MARK4: variants seen among roughly 807,000 people sequenced by gnomAD.
MARK4 encodes MAP/microtubule affinity-regulating kinase 4.
MARK4 carries 19 observed loss-of-function variants against 81.5 expected under a neutral mutation model. The ratio of observed to expected loss-of-function variants is 0.23; its 90% confidence interval spans 0.16 to 0.34. The LOEUF is 0.34. MARK4 is among the 10% of genes least tolerant of loss of function. MARK4 has a pLI of 1.00. For missense variants in MARK4, 772 were observed against 1,058.8 expected, an observed-to-expected ratio of 0.73 and a Z score of 3.76; for synonymous variants, 436 against 439.0, an observed-to-expected ratio of 0.99 and a Z score of 0.08.
rs148123351 is a variant in MARK4, at chr19:45,292,468, G to A, written c.1495-1881G>A. Among the ~76,000 whole-genome samples the A allele has an allele frequency of 6.6e-5, 10 of 152,252 alleles. No individual in the cohort carries two copies. In the East Asian group the frequency reaches 7.7e-4, roughly 12 times the overall value. Reference sequence around the variant, plus strand: ...GTGAGGATCTTGTAAGATCTCATACGTGAAGTACTTCACATACTGGCACAG... The same window carrying A: ...GTGAGGATCTTGTAAGATCTCATACATGAAGTACTTCACATACTGGCACAG... On this transcript the variant is annotated intron_variant, in intron 13 of 16. Transcript: ENST00000262891.
At chr19:45,295,761 A>G (rs954298703) in intron 14 of MARK4, among the ~76,000 whole-genome samples, 3 of 151,974 alleles carry the variant, frequency 2.0e-5, no homozygotes, top group Non-Finnish European at 4.4e-5. Flanking sequence ...CCTGAGCCAC[A>G]CAGCAAGAAT....
chr19:45,280,438 C>A lies in MARK4; in HGVS notation c.1071C>A (p.Tyr357Ter). The A allele has an allele frequency of 6.2e-7, 1 of 1,614,160 alleles. No homozygotes were observed. The highest frequency in any genetic ancestry group is 8.5e-7 in the Non-Finnish European group (1 of 1,180,022). The change falls in exon 11 of 17, where the codon TAC (tyrosine) becomes TAA (stop). Residue 357 changes from tyrosine to a stop codon, truncating the protein, a stop_gained. Transcript: ENST00000262891. LOFTEE classifies it high-confidence loss of function. ...AAGAGTCCTTGACCAGCCAGAAGTA[C>A]AACGAAGTGACCGCCACCTACCTCC... is the stretch of plus-strand genomic sequence containing the variant. ...EIKESLTSQK[Y>*]NEVTATYLLL...
At chr19:45,262,430 G>A (rs1208650914) in intron 2 of MARK4, among the ~76,000 whole-genome samples, 1 of 152,190 alleles carries the variant, frequency 6.6e-6, no homozygotes. Flanking sequence ...AAGATTAAGA[G>A]TTCTCGTTTG....
chr19:45,287,212 A>AG (rs1230345247), intron 12 of MARK4, among the ~76,000 whole-genome samples: 1 of 151,890 alleles, frequency 6.6e-6, no homozygotes, highest in East Asian at 1.9e-4. Context: ...CAAAAAAAAA[A>AG]AAAAAAAAAA....
chr19:45,271,487 C>T lies in MARK4; in HGVS notation c.565C>T (p.Leu189=), dbSNP rs762145516. The change falls in exon 8 of 17, where the codon CTG becomes TTG. Residue 189 remains leucine, a synonymous_variant. Transcript: ENST00000262891. The surrounding 1 kb of genome is among the most constrained non-coding windows in gnomAD (Gnocchi z 4.1). ...CTCCCTGCAGGCTGAGAACCTCTTG[C>T]TGGATGCCGAGGCCAACATCAAGAT... The part of the protein sequence containing the change: ...HRDLKAENLL[L]DAEANIKIAD... The T allele has an allele frequency of 1.2e-6, 2 of 1,614,194 alleles. No individual in the cohort carries two copies. Among genetic ancestry groups the T allele is most frequent in the Non-Finnish European group, 1.7e-6 (2 of 1,180,014 alleles).
chr19:45,272,861 C>G (rs949736388), intron 8 of MARK4, among the ~76,000 whole-genome samples: 1 of 152,114 alleles, frequency 6.6e-6, no homozygotes, highest in Admixed American at 6.6e-5. Context: ...GCACTCCAGC[C>G]TGGGCGACAG....
At chr19:45,259,654 G>C (rs1970355735) in intron 2 of MARK4, among the ~76,000 whole-genome samples, 1 of 151,856 alleles carries the variant, frequency 6.6e-6, no homozygotes. Flanking sequence ...GTGTGCCTGT[G>C]GTCCCAGCTA....
At chr19:45,293,696 G>A (rs1161194831) in intron 13 of MARK4, among the ~76,000 whole-genome samples, 3 of 152,162 alleles carry the variant, frequency 2.0e-5, no homozygotes, top group African/African-American at 7.2e-5. Flanking sequence ...ACATGTTTAT[G>A]AGGCAGCATA....
intron 1 of MARK4, among the ~76,000 whole-genome samples, 166 bp downstream of exon 1, chr19:45,251,805 A>C (rs1207292223): frequency 1.0e-4 from 12 of 119,812 alleles, no homozygotes; most frequent in Middle Eastern, 4.0e-3. Flanking sequence ...CACCCTCCCC[A>C]CCTTTTCCAG....
intron 1 of MARK4, among the ~76,000 whole-genome samples, chr19:45,255,557 G>A (rs1304036886): frequency 1.0e-5 from 1 of 99,280 alleles, no homozygotes; most frequent in Non-Finnish European, 1.9e-5. Context: ...GTGAAACTCT[G>A]CCAAAAAAAA....
At chr19:45,282,958 C>T (rs1004289155) in intron 12 of MARK4, among the ~76,000 whole-genome samples, 3 of 152,156 alleles carry the variant, frequency 2.0e-5, no homozygotes, top group Admixed American at 1.3e-4. Context: ...CGCCACTGTA[C>T]TCCAGCCTGG....
chr19:45,300,554 C>G (rs889040727), intron 16 of MARK4, among the ~76,000 whole-genome samples: 8 of 152,198 alleles, frequency 5.3e-5, no homozygotes, highest in African/African-American at 1.9e-4. Flanking sequence ...CACGCCTGTT[C>G]AGTTGTGCCA....
chr19:45,282,079 T>G (rs1043986365), intron 12 of MARK4, among the ~76,000 whole-genome samples: 1 of 151,538 alleles, frequency 6.6e-6, no homozygotes, highest in African/African-American at 2.4e-5. Context: ...CAAAATTAGC[T>G]GGGCGTGTTG....
At chr19:45,253,439 T>C (rs1191249019) in intron 1 of MARK4, among the ~76,000 whole-genome samples, 1 of 152,172 alleles carries the variant, frequency 6.6e-6, no homozygotes, top group Non-Finnish European at 1.5e-5. Context: ...CAGTTCTCCC[T>C]TTCTGAGCCT....
intron 12 of MARK4, among the ~76,000 whole-genome samples, chr19:45,284,982 T>C (rs1358775847): frequency 6.6e-6 from 1 of 152,028 alleles, no homozygotes; most frequent in African/African-American, 2.4e-5. Flanking sequence ...TCTCAGCTAC[T>C]TGGGAGGCTG....
intron 12 of MARK4, among the ~76,000 whole-genome samples, 155 bp from the exon 13 acceptor site, chr19:45,287,292 G>A (rs866747542): frequency 1.8e-4 from 27 of 151,730 alleles, no homozygotes; most frequent in Non-Finnish European, 3.4e-4. Context: ...GTATATGTGC[G>A]TTGGTAATCT....
Position 45,259,212 on chromosome 19 carries a change from G to A in MARK4, c.252+23G>A, listed in dbSNP as rs563905705. On this transcript the variant is annotated intron_variant, in intron 2 of 16. Coordinates refer to ENST00000262891, the MANE Select transcript of MARK4 (RefSeq NM_001199867.2). ...GAGGTGAGTATGGGCACAGGGTGGG[G>A]CTCGGGGCAGGTCCCTGTGGGACCA... 18 of 1,611,690 alleles carry A rather than the reference G, an allele frequency of 1.1e-5. No individual in the cohort carries two copies. In the South Asian group the frequency reaches 1.9e-4, roughly 17 times the overall value.
At chr19:45,277,433 ATTTTTTT>A (rs35920861) in intron 8 of MARK4, among the ~76,000 whole-genome samples, 2 of 131,874 alleles carry the variant, frequency 1.5e-5, no homozygotes, top group Non-Finnish European at 1.6e-5. Context: ...TGTAGCTTAA[ATTTTTTT>A]TTTTTTTTTT....
chr19:45,292,504 G>A (rs909892263), intron 13 of MARK4, among the ~76,000 whole-genome samples: 1 of 152,162 alleles, frequency 6.6e-6, no homozygotes, highest in Non-Finnish European at 1.5e-5. Flanking sequence ...TAAGCACTCA[G>A]TGAATGAGAG....
Sources: allele counts gnomAD v4.1 joint callset (sites outside exome capture counted in the v4.1 genomes callset), GRCh38; gene constraint gnomAD v4.1.1; non-coding constraint Gnocchi (gnomAD v3.1); transcripts MANE v1.5; gene names NCBI Gene and HGNC (gene_info 2026-07-23, HGNC 2026-07-21).